PRR35: variants seen among roughly 807,000 people sequenced by gnomAD.
The protein encoded by PRR35 is proline rich 35, also known as proline-rich protein 35.
In PRR35, 14 loss-of-function variants were observed where a neutral mutation model predicts 18.6. That is an observed-to-expected ratio of 0.75 (90% CI 0.50 to 1.18). The LOEUF is 1.18. Among genes scored for constraint, PRR35 ranks in the 50% most tolerant of loss-of-function variants. The pLI, the probability that PRR35 is intolerant of heterozygous loss-of-function variation, is 0.00. For missense variants in PRR35, 832 were observed against 792.2 expected, an observed-to-expected ratio of 1.05 and a Z score of -0.60; for synonymous variants, 425 against 378.2, an observed-to-expected ratio of 1.12 and a Z score of -1.43.
rs2035417095 is a variant in PRR35, at chr16:560,646, TCCCGGCCGGG to T, written c.-53_-44del. ...GGCCTCGCAGACTTGGCGGCTCCGCTCCCGGCCGGGCGCAGGTAGGAGCGGCGGGAGCCGC... is the reference window on the plus strand; with the variant it reads ...GGCCTCGCAGACTTGGCGGCTCCGCTCGCAGGTAGGAGCGGCGGGAGCCGC... On this transcript the variant is annotated 5_prime_UTR_variant, in exon 1 of 3. Coordinates refer to ENST00000409413, the MANE Select transcript of PRR35 (RefSeq NM_145270.3). The T allele has an allele frequency of 7.6e-6, 7 of 923,834 alleles. No individual in the cohort carries two copies. The South Asian group carries it at 3.7e-4, about 48-fold the overall frequency. 57.2% of individuals were successfully genotyped at this position (923,834 alleles called of 1,614,324 possible).
At chr16:560,812 C>CGGGG (rs569352888) in intron 1 of PRR35, 151 bp downstream of exon 1, 1 of 361,784 alleles carries the variant, frequency 2.8e-6, no homozygotes, top group Admixed American at 1.1e-4. Context: ...AGGAGCAGCG[C>CGGGG]GGGGGGAGGG....
intron 1 of PRR35, among the ~76,000 whole-genome samples, chr16:561,555 C>T (rs2035435686): frequency 6.6e-6 from 1 of 152,368 alleles, no homozygotes; most frequent in South Asian, 2.1e-4. Context: ...GGCCCAGCCC[C>T]TGCCTCCCGA....
rs1461027833 is a variant in PRR35 at position 560,588 on chromosome 16, CG to C, written c.-109del. ...GGTCCGAGTCGCGGCCGGCGCGGGG[CG>C]GGGAGGGGCGGGAAGTTTGCGCCCT... On this transcript the variant is annotated 5_prime_UTR_variant, in exon 1 of 3. Transcript: ENST00000409413. The C allele has an allele frequency of 2.0e-6, 2 of 983,056 alleles. No individual in the cohort carries two copies. The allele number at this position is 983,056 out of a possible 1,614,324, so 60.9% of individuals were successfully genotyped here. A position where few individuals can be genotyped will look rare whatever the true frequency, so the allele number is the denominator to read the frequency against.
chr16:563,152 G>A (rs1343305051), intron 1 of PRR35, 104 bp from the exon 2 acceptor site: 6 of 1,172,932 alleles, frequency 5.1e-6, no homozygotes, highest in Non-Finnish European at 4.6e-6. Flanking sequence ...CGGGGTGGGG[G>A]GAGCACCCAG....
chr16:565,240 C>G lies in PRR35; in HGVS notation c.1649C>G (p.Ala550Gly), dbSNP rs368109839. The G allele has an allele frequency of 6.2e-7, 1 of 1,602,232 alleles. No homozygotes were observed. Among genetic ancestry groups the G allele is most frequent in the Admixed American group, 1.7e-5 (1 of 59,012 alleles). ...IPGSGWGTCV[A>G]TRSSQTPEAV... Reference sequence around the variant, plus strand: ...GGCAGTGGCTGGGGCACCTGTGTTGCGACGAGGAGTTCCCAGACCCCTGAG... The same window carrying G: ...GGCAGTGGCTGGGGCACCTGTGTTGGGACGAGGAGTTCCCAGACCCCTGAG... Residue 550 changes from alanine (A) to glycine (G), a missense_variant, in exon 3 of 3, where the codon GCG becomes GGG. Around this residue, in one of 3 missense-constraint regions of PRR35, gnomAD observed 768 missense variants for 704.1 expected, o/e 1.09. Coordinates refer to ENST00000409413, the MANE Select transcript of PRR35 (RefSeq NM_145270.3).
chr16:563,278 C>A lies in PRR35; in HGVS notation c.-17C>A. 1 of 1,590,552 alleles carries A rather than the reference C, an allele frequency of 6.3e-7. No homozygotes were observed. The highest frequency in any genetic ancestry group is 1.1e-5 in the South Asian group (1 of 88,884). On this transcript the variant is annotated 5_prime_UTR_variant, in exon 2 of 3. Coordinates refer to ENST00000409413, the MANE Select transcript of PRR35 (RefSeq NM_145270.3). ...CAGGTGGCCATGGTGCCCGGCCCTG[C>A]CTCATAGCAGGCTGCCATGTCGCGG...
chr16:565,430 G>A lies in PRR35; in HGVS notation c.*123G>A, dbSNP rs1336976931. On this transcript the variant is annotated 3_prime_UTR_variant, in exon 3 of 3. Transcript: ENST00000409413. ...GCATGCATGTGGATAGACCCCCACG[G>A]GCCGTGGCCAACGCTTGTCCCTGGG... 2.8e-6 allele frequency: 3 copies of A among 1,078,542 alleles called. No individual in the cohort carries two copies. The African/African-American group carries it at 4.9e-5, about 18-fold the overall frequency. 66.8% of individuals were successfully genotyped at this position (1,078,542 alleles called of 1,614,324 possible). A position where few individuals can be genotyped will look rare whatever the true frequency, so the allele number is the denominator to read the frequency against.
chr16:560,938 G>C (rs1049017550), intron 1 of PRR35, among the ~76,000 whole-genome samples: 5 of 151,880 alleles, frequency 3.3e-5, no homozygotes, highest in African/African-American at 4.8e-5. Context: ...CGTTCCCGGG[G>C]GGGGGGGCAG....
At position 563,853 on chromosome 16, in the gene PRR35, G is replaced by A. The variant is rs372489587; in HGVS notation, c.559G>A (p.Val187Ile). ...DMASAGPEGS[V>I]PCYPPPAPGE... Reference sequence around the variant, plus strand: ...GGCCTCAGCAGGCCCTGAGGGCAGCGTCCCCTGCTATCCCCCGCCTGCCCC... The same window carrying A: ...GGCCTCAGCAGGCCCTGAGGGCAGCATCCCCTGCTATCCCCCGCCTGCCCC... Residue 187 changes from valine (V) to isoleucine (I), a missense_variant, in exon 2 of 3, where the codon GTC (valine) becomes ATC (isoleucine). Physicochemically the swap from Val to Ile is conservative, Grantham distance 29 (BLOSUM62 3). Coordinates refer to ENST00000409413, the MANE Select transcript of PRR35 (RefSeq NM_145270.3). The A allele has an allele frequency of 8.2e-5, 126 of 1,537,504 alleles. No homozygotes were observed. Among genetic ancestry groups the A allele is most frequent in the Non-Finnish European group, 9.7e-5 (110 of 1,139,080 alleles).
chr16:565,342 C>A lies in PRR35; in HGVS notation c.*35C>A, dbSNP rs1469242447. On this transcript the variant is annotated 3_prime_UTR_variant, in exon 3 of 3. Transcript: ENST00000409413. ...CCTGAGGTCTGACTGTCTCTGCCTGCAGCATGCCGGCCCCTCTCCTGCAGC... is the reference window on the plus strand; with the variant it reads ...CCTGAGGTCTGACTGTCTCTGCCTGAAGCATGCCGGCCCCTCTCCTGCAGC... 1 of 1,435,094 alleles carries A rather than the reference C, an allele frequency of 7.0e-7. No individual in the cohort carries two copies. Among genetic ancestry groups the A allele is most frequent in the Admixed American group, 2.9e-5 (1 of 34,832 alleles). The allele number at this position is 1,435,094 out of a possible 1,614,324, so 88.9% of individuals were successfully genotyped here. A position where few individuals can be genotyped will look rare whatever the true frequency, so the allele number is the denominator to read the frequency against.
chr16:564,810 G>A lies in PRR35; in HGVS notation c.1219G>A (p.Asp407Asn). Residue 407 changes from aspartate to asparagine, a missense_variant, in exon 3 of 3, where the codon GAC becomes AAC. Physicochemically the swap from Asp to Asn is conservative, Grantham distance 23. Around this residue, in one of 3 missense-constraint regions of PRR35, gnomAD observed 768 missense variants for 704.1 expected, o/e 1.09. Coordinates refer to ENST00000409413, the MANE Select transcript of PRR35 (RefSeq NM_145270.3). Reference protein sequence around the residue: ...VPGSPEHVGEDLTRALGDYAR... With the variant: ...VPGSPEHVGENLTRALGDYAR... ...AGGAAGCCCGGAGCATGTGGGCGAG[G>A]ACCTGACCCGAGCCCTCGGTGACTA... 6.4e-7 allele frequency: 1 copy of A among 1,558,150 alleles called. No homozygotes were observed. Among genetic ancestry groups the A allele is most frequent in the Non-Finnish European group, 8.6e-7 (1 of 1,156,718 alleles).
At chr16:560,264 G>A, upstream of PRR35, 1 of 808,796 alleles carries the variant, frequency 1.2e-6, no homozygotes, top group Non-Finnish European at 1.5e-6. Context: ...GCGGCGGGGG[G>A]CGCGCGGGCG....
At chr16:560,780 C>A in intron 1 of PRR35, 119 bp downstream of exon 1, 1 of 860,610 alleles carries the variant, frequency 1.2e-6, no homozygotes, top group Non-Finnish European at 1.4e-6. Context: ...GCCGGGTCCC[C>A]CCCACCCTCT....
At position 563,925 on chromosome 16, in the gene PRR35, G is replaced by T. The variant is rs747782968; in HGVS notation, c.631G>T (p.Val211Phe). The T allele has an allele frequency of 3.1e-6, 5 of 1,592,588 alleles. No homozygotes were observed. The highest frequency in any genetic ancestry group is 3.3e-4 in the Middle Eastern group (2 of 6,038). ...CAGCCTCCACCTGTCTCTGCTGGGC[G>T]TCAACTACCCGCTCAGCCCCGGCCT... is the stretch of plus-strand genomic sequence containing the variant. ...AHSLHLSLLG[V>F]NYPLSPGLFS... Residue 211 changes from valine to phenylalanine, a missense_variant, in exon 2 of 3, where the codon GTC becomes TTC. Transcript: ENST00000409413.
At chr16:560,276 C>G (rs1216154989), upstream of PRR35, 8 of 869,950 alleles carry the variant, frequency 9.2e-6, no homozygotes, top group Non-Finnish European at 1.1e-5. Flanking sequence ...GCGCGGGCGG[C>G]GGGGGCGCGG....
chr16:562,530 CGTGT>C (rs78199357), intron 1 of PRR35, among the ~76,000 whole-genome samples: 4 of 122,210 alleles, frequency 3.3e-5, no homozygotes, highest in East Asian at 3.3e-4. Flanking sequence ...GGCGCACACA[CGTGT>C]GCACACACAC....
intron 2 of PRR35, 48 bp from the exon 3 acceptor site, chr16:564,626 G>A: frequency 6.8e-7 from 1 of 1,473,546 alleles, no homozygotes; most frequent in Non-Finnish European, 9.0e-7. Flanking sequence ...CAGGGGCCGG[G>A]GGCGCTGTGG....
At chr16:560,331 T>G, upstream of PRR35, 1 of 977,900 alleles carries the variant, frequency 1.0e-6, no homozygotes, top group Non-Finnish European at 1.2e-6. Flanking sequence ...GCGAGCGCGG[T>G]CGGAGGTCGC....
At chr16:559,955 G>A (rs893098541), upstream of PRR35, among the ~76,000 whole-genome samples, 1 of 152,148 alleles carries the variant, frequency 6.6e-6, no homozygotes, top group Admixed American at 6.5e-5. Context: ...GGGTGGGCCG[G>A]CGGCTGTCAG....
Sources: gnomAD v4.1 joint callset for allele counts (sites outside exome capture counted in the v4.1 genomes callset) on GRCh38, gnomAD v4.1.1 for gene constraint, gnomAD v4.1.1 regional missense constraint, MANE v1.5 for transcripts, NCBI Gene and HGNC (gene_info 2026-07-23, HGNC 2026-07-21) for gene names.